The following NKAIN3 variants were observed in gnomAD, a reference collection of about 807,000 sequenced individuals.
The protein encoded by NKAIN3 is sodium/potassium-transporting ATPase subunit beta-1-interacting protein 3.
Under a neutral mutation model 30.2 loss-of-function variants are expected in NKAIN3, and 25 were observed. The observed-to-expected ratio is 0.83, with a 90% CI of 0.60 to 1.16. The LOEUF is 1.16. Ranked by LOEUF, NKAIN3 falls within the 50% of genes most tolerant of loss-of-function variation. NKAIN3 has a pLI of 0.00. For missense variants in NKAIN3, 225 were observed against 254.1 expected (o/e 0.89, Z 0.78); for synonymous variants, 91 against 89.6 (o/e 1.02, Z -0.09).
At chr8:62,310,684 G>A (rs990792826) in intron 1 of NKAIN3, among the ~76,000 whole-genome samples, 3 of 150,398 alleles carry the variant, frequency 2.0e-5, no homozygotes, top group Non-Finnish European at 1.5e-5. Flanking sequence ...TACTGAATAA[G>A]TAGAGGAGTT....
intron 1 of NKAIN3, among the ~76,000 whole-genome samples, chr8:62,373,292 T>C (rs1320976121): frequency 1.3e-5 from 2 of 152,192 alleles, no homozygotes; most frequent in East Asian, 1.9e-4. Context: ...GAATAAAATA[T>C]GTGTTATAAA....
chr8:62,312,823 C>CAAA (rs56252388), intron 1 of NKAIN3, among the ~76,000 whole-genome samples: 74,699 of 141,954 alleles, frequency 0.53, 19,383 homozygotes, highest in Non-Finnish European at 0.59. Flanking sequence ...AACCTTGTCT[C>CAAA]AAAAAAAAAA....
At chr8:62,803,978 A>G (rs1818174155) in intron 4 of NKAIN3, among the ~76,000 whole-genome samples, 1 of 152,226 alleles carries the variant, frequency 6.6e-6, no homozygotes, top group Non-Finnish European at 1.5e-5. Context: ...AGAGAATACT[A>G]CAAACACCTC....
intron 1 of NKAIN3, among the ~76,000 whole-genome samples, chr8:62,260,396 C>A (rs1037788803): frequency 6.6e-6 from 1 of 151,844 alleles, no homozygotes; most frequent in African/African-American, 2.4e-5. Context: ...AATTCTTTAC[C>A]AAATTTGTAT....
chr8:62,442,726 C>G (rs1221444614), intron 1 of NKAIN3, among the ~76,000 whole-genome samples: 1 of 151,658 alleles, frequency 6.6e-6, no homozygotes, highest in African/African-American at 2.4e-5. Context: ...TGTAATTTTT[C>G]CATAAATTTC....
At position 62,965,890 on chromosome 8, in the gene NKAIN3, G is replaced by A. The variant is rs1282505908; in HGVS notation, c.*483G>A. On this transcript the variant is annotated 3_prime_UTR_variant, in exon 7 of 7. Transcript: ENST00000623646. ...CAGCTGATAAATAGGTACAAATAAT[G>A]GATCCAGCTTTTGGATTGAATATGG... 3 of 985,074 alleles carry A rather than the reference G, an allele frequency of 3.0e-6. No individual in the cohort carries two copies. The highest frequency in any genetic ancestry group is 2.3e-4 in the East Asian group (2 of 8,814). The allele number at this position is 985,074 out of a possible 1,614,324, so 61.0% of individuals were successfully genotyped here. A position where few individuals can be genotyped will look rare whatever the true frequency, so the allele number is the denominator to read the frequency against.
Position 62,974,192 on chromosome 8 carries a change from T to C in NKAIN3, c.*8785T>C, listed in dbSNP as rs1823895100. On this transcript the variant is annotated 3_prime_UTR_variant, in exon 7 of 7. Transcript: ENST00000623646. ...GAAATTTAAAGTAGTTTTTTCTAAT[T>C]CTGTGAAGAAAATCAATGTTAGTTT... is the stretch of plus-strand genomic sequence containing the variant. Among the ~76,000 whole-genome samples the C allele has an allele frequency of 6.7e-6, 1 of 149,032 alleles. No homozygotes were observed.
chr8:62,679,373 A>G (rs1456368465), intron 3 of NKAIN3, among the ~76,000 whole-genome samples: 1 of 152,198 alleles, frequency 6.6e-6, no homozygotes, highest in Non-Finnish European at 1.5e-5. Flanking sequence ...AATAGGACAG[A>G]AAAATGGCCA....
At chr8:62,638,835 A>C (rs1812216270) in intron 3 of NKAIN3, among the ~76,000 whole-genome samples, 1 of 152,118 alleles carries the variant, frequency 6.6e-6, no homozygotes, top group Non-Finnish European at 1.5e-5. Context: ...AGGTCTTGTA[A>C]TCCCAAATGT....
At chr8:62,484,580 C>T (rs1806839843) in intron 1 of NKAIN3, among the ~76,000 whole-genome samples, 2 of 152,138 alleles carry the variant, frequency 1.3e-5, no homozygotes, top group Non-Finnish European at 1.5e-5. Flanking sequence ...CTCAAATCTT[C>T]GTTTACAAAC....
intron 5 of NKAIN3, among the ~76,000 whole-genome samples, chr8:62,947,873 C>T (rs1257967003): frequency 6.6e-6 from 1 of 152,210 alleles, no homozygotes; most frequent in African/African-American, 2.4e-5. Flanking sequence ...CTGCAGCCTC[C>T]CGTGCCCCAG....
At chr8:62,772,881 G>A (rs138488571) in intron 4 of NKAIN3, among the ~76,000 whole-genome samples, 7 of 152,048 alleles carry the variant, frequency 4.6e-5, no homozygotes, top group African/African-American at 1.2e-4. Context: ...GGTTGGTCTC[G>A]AACTCCTGAT....
chr8:62,345,650 C>CAT lies in NKAIN3; in HGVS notation c.54+96529_54+96530dup, dbSNP rs1446355487. On this transcript the variant is annotated intron_variant, in intron 1 of 6. Transcript: ENST00000623646. ...ATATACACATATATGTATATATACACATATATACATATGTATACCTGGAAT... is the reference window on the plus strand; with the variant it reads ...ATATACACATATATGTATATATACACATATATATACATATGTATACCTGGAAT... 4.3e-3 allele frequency among the ~76,000 whole-genome samples: 642 copies of CAT among 148,446 alleles called. 17 individuals carry two copies. Among genetic ancestry groups the CAT allele is most frequent in the African/African-American group, 0.015 (581 of 40,064 alleles).
At chr8:62,416,910 T>A (rs1011097029) in intron 1 of NKAIN3, among the ~76,000 whole-genome samples, 4 of 151,862 alleles carry the variant, frequency 2.6e-5, no homozygotes, top group Admixed American at 2.6e-4. Context: ...GAGAATCGCT[T>A]GAACCTGGGA....
chr8:62,251,374 G>A (rs1394685623), intron 1 of NKAIN3, among the ~76,000 whole-genome samples: 2 of 151,608 alleles, frequency 1.3e-5, no homozygotes, highest in Admixed American at 6.6e-5. Context: ...GATAGCAATA[G>A]TAAAATATGT....
chr8:62,570,722 A>T (rs1368803432), intron 1 of NKAIN3, among the ~76,000 whole-genome samples: 8 of 152,204 alleles, frequency 5.3e-5, no homozygotes, highest in African/African-American at 1.9e-4. Context: ...GAGCCAAACC[A>T]TATCATTTCA....
intron 3 of NKAIN3, among the ~76,000 whole-genome samples, chr8:62,706,699 C>T (rs1219404622): frequency 6.6e-6 from 1 of 151,732 alleles, no homozygotes; most frequent in African/African-American, 2.4e-5. Flanking sequence ...TTTTATTTTT[C>T]CATAAGTTAT....
chr8:62,475,613 C>G (rs1244970985), intron 1 of NKAIN3, among the ~76,000 whole-genome samples: 1 of 152,032 alleles, frequency 6.6e-6, no homozygotes, highest in Non-Finnish European at 1.5e-5. Flanking sequence ...AATTAGGATC[C>G]CAGAATCCAC....
At chr8:62,716,605 G>T in intron 3 of NKAIN3, among the ~76,000 whole-genome samples, 1 of 151,968 alleles carries the variant, frequency 6.6e-6, no homozygotes, top group East Asian at 1.9e-4. Flanking sequence ...TATCCTTTTT[G>T]TTCTTTATTT....
Sources: gnomAD v4.1 joint callset for allele counts (sites outside exome capture counted in the v4.1 genomes callset) on GRCh38, gnomAD v4.1.1 for gene constraint, MANE v1.5 for transcripts, NCBI Gene and HGNC (gene_info 2026-07-23, HGNC 2026-07-21) for gene names.